MB21D2: variants seen among roughly 807,000 people sequenced by gnomAD.
MB21D2 encodes the protein Mab-21 domain containing 2, also known as nucleotidyltransferase MB21D2.
Under a neutral mutation model 33.3 loss-of-function variants are expected in MB21D2, and 9 were observed. The ratio of observed to expected loss-of-function variants is 0.27; its 90% CI spans 0.16 to 0.47. MB21D2 has a LOEUF of 0.47. Ranked by LOEUF, MB21D2 falls within the 20% of genes least tolerant of loss-of-function variation. MB21D2 has a pLI of 0.99. For missense variants in MB21D2, 540 were observed against 624.6 expected, an observed-to-expected ratio of 0.86 and a Z score of 1.44; for synonymous variants, 241 against 236.3, an observed-to-expected ratio of 1.02 and a Z score of -0.18.
chr3:192,895,945 C>T (rs1484499965), intron 1 of MB21D2, among the ~76,000 whole-genome samples: 1 of 152,112 alleles, frequency 6.6e-6, no homozygotes, highest in Non-Finnish European at 1.5e-5. Context: ...CACACTAGAC[C>T]TTTATTCAGA....
At chr3:192,831,222 C>T (rs1004674533) in intron 1 of MB21D2, among the ~76,000 whole-genome samples, 3 of 152,156 alleles carry the variant, frequency 2.0e-5, no homozygotes, top group African/African-American at 7.2e-5. Flanking sequence ...TGTGGAGACG[C>T]CCACATGGGG....
At chr3:192,809,252 C>T (rs765035868) in intron 1 of MB21D2, among the ~76,000 whole-genome samples, 1 of 152,160 alleles carries the variant, frequency 6.6e-6, no homozygotes, top group Non-Finnish European at 1.5e-5. Context: ...CGCATCACCA[C>T]ATCTGGCTAA....
chr3:192,840,868 G>A (rs1365917202), intron 1 of MB21D2, among the ~76,000 whole-genome samples: 2 of 152,194 alleles, frequency 1.3e-5, no homozygotes, highest in Non-Finnish European at 2.9e-5. Flanking sequence ...CAATCATTGG[G>A]AGCTTCCAAG....
chr3:192,877,904 T>C (rs1424037602), intron 1 of MB21D2, among the ~76,000 whole-genome samples: 1 of 150,800 alleles, frequency 6.6e-6, no homozygotes, highest in Non-Finnish European at 1.5e-5. Context: ...GGGCCAAAGA[T>C]ACAAGTAGTT....
intron 1 of MB21D2, among the ~76,000 whole-genome samples, chr3:192,818,189 T>C (rs1046583949): frequency 1.3e-5 from 2 of 152,176 alleles, no homozygotes; most frequent in Admixed American, 1.3e-4. Context: ...ATGTCTCACA[T>C]GAGACCATGA....
chr3:192,877,886 A>G (rs1713467448), intron 1 of MB21D2, among the ~76,000 whole-genome samples: 1 of 152,034 alleles, frequency 6.6e-6, no homozygotes, highest in Admixed American at 6.6e-5. Context: ...TGTTGTCAGA[A>G]CTTGAAAGGG....
intron 1 of MB21D2, among the ~76,000 whole-genome samples, chr3:192,890,227 T>C (rs1027207076): frequency 6.6e-6 from 1 of 152,124 alleles, no homozygotes; most frequent in Admixed American, 6.5e-5. Flanking sequence ...AACTAGCTAA[T>C]GGTAATATGC....
intron 1 of MB21D2, among the ~76,000 whole-genome samples, chr3:192,911,552 T>C (rs1427415616): frequency 6.6e-6 from 1 of 152,180 alleles, no homozygotes; most frequent in East Asian, 1.9e-4. Flanking sequence ...GGGGGATCTC[T>C]AGGGAATTCG....
intron 1 of MB21D2, among the ~76,000 whole-genome samples, chr3:192,896,321 T>A (rs561620827): frequency 2.6e-5 from 4 of 152,318 alleles, no homozygotes; most frequent in African/African-American, 9.6e-5. Flanking sequence ...GACTCCAAAG[T>A]CCACGTTCTT....
chr3:192,811,982 T>G (rs973297703), intron 1 of MB21D2, among the ~76,000 whole-genome samples: 3 of 152,144 alleles, frequency 2.0e-5, no homozygotes, highest in Admixed American at 1.3e-4. Context: ...AATGATATAT[T>G]TAGTTTCTTC....
rs995816957 is a variant in MB21D2, at chr3:192,797,021, T to C, written c.*1365A>G. The C allele has an allele frequency of 3.3e-5, 5 of 152,604 alleles. No individual in the cohort carries two copies. The highest frequency in any genetic ancestry group is 7.3e-5 in the Non-Finnish European group (5 of 68,034). The allele number at this position is 152,604 out of a possible 1,614,324, so 9.5% of individuals were successfully genotyped here. A position where few individuals can be genotyped will look rare whatever the true frequency, so the allele number is the denominator to read the frequency against. On this transcript the variant is annotated 3_prime_UTR_variant, in exon 2 of 2. Coordinates refer to ENST00000392452, the MANE Select transcript of MB21D2 (RefSeq NM_178496.4). ...ACACGTTACTTGCCCTTTCTATGAG[T>C]AGACATCATGGGTGTCCTTTGAAAG...
At chr3:192,814,596 C>T (rs1195873690) in intron 1 of MB21D2, among the ~76,000 whole-genome samples, 1 of 152,122 alleles carries the variant, frequency 6.6e-6, no homozygotes, top group South Asian at 2.1e-4. Flanking sequence ...GGCGCGGTGG[C>T]TCACACCTGT....
In MB21D2 at chr3:192,870,412, C is replaced by T. The variant is rs1427463059; in HGVS notation, c.211+47218G>A. ...TGTTCTTAGAAATGCAAAGGCTGGCCGGGCACACTGGCTCATGTCTGTAAT... is the reference window on the plus strand; with the variant it reads ...TGTTCTTAGAAATGCAAAGGCTGGCTGGGCACACTGGCTCATGTCTGTAAT... On this transcript the variant is annotated intron_variant, in intron 1 of 1. Transcript: ENST00000392452. Among the ~76,000 whole-genome samples the T allele has an allele frequency of 3.3e-5, 5 of 152,178 alleles. 1 individual carries two copies. The highest frequency in any genetic ancestry group is 4.1e-4 in the South Asian group (2 of 4,822).
At chr3:192,837,607 C>T (rs895731950) in intron 1 of MB21D2, among the ~76,000 whole-genome samples, 2 of 152,222 alleles carry the variant, frequency 1.3e-5, no homozygotes, top group South Asian at 2.1e-4. Flanking sequence ...AAAGGGCTCT[C>T]GCTCACTGGT....
At chr3:192,905,434 C>A (rs1714188706) in intron 1 of MB21D2, among the ~76,000 whole-genome samples, 1 of 151,726 alleles carries the variant, frequency 6.6e-6, no homozygotes, top group South Asian at 2.1e-4. Flanking sequence ...GTCAGGAGTT[C>A]GAGACCAGCC....
At chr3:192,864,981 A>T (rs953825757) in intron 1 of MB21D2, among the ~76,000 whole-genome samples, 5 of 152,236 alleles carry the variant, frequency 3.3e-5, no homozygotes, top group African/African-American at 7.2e-5. Flanking sequence ...ATGAAAAACC[A>T]GACAGAAGAC....
chr3:192,802,776 C>T (rs374090508), intron 1 of MB21D2, among the ~76,000 whole-genome samples: 1 of 152,114 alleles, frequency 6.6e-6, no homozygotes, highest in Non-Finnish European at 1.5e-5. Context: ...ATAATGAAAT[C>T]GTTTACTCTT....
In MB21D2 at chr3:192,847,459, G is replaced by A. The variant is rs536370905; in HGVS notation, c.212-47809C>T. 9.6e-4 allele frequency among the ~76,000 whole-genome samples: 146 copies of A among 152,244 alleles called. 2 individuals carry two copies. Among genetic ancestry groups the A allele is most frequent in the African/African-American group, 3.3e-3 (135 of 41,530 alleles). Reference sequence around the variant, plus strand: ...CTAGCAGTTAGGGGTCTTGGAAATGGTGTCTCTCAAAAGGCGAATTTTCCT... The same window carrying A: ...CTAGCAGTTAGGGGTCTTGGAAATGATGTCTCTCAAAAGGCGAATTTTCCT... On this transcript the variant is annotated intron_variant, in intron 1 of 1. Coordinates refer to ENST00000392452, the MANE Select transcript of MB21D2 (RefSeq NM_178496.4).
chr3:192,870,741 A>AAGG (rs1713276985), intron 1 of MB21D2, among the ~76,000 whole-genome samples: 1 of 137,588 alleles, frequency 7.3e-6, no homozygotes, highest in Non-Finnish European at 1.5e-5. Context: ...AGAAGGAAGG[A>AAGG]AGGAAGGAAG....
Sources: allele counts gnomAD v4.1 joint callset (sites outside exome capture counted in the v4.1 genomes callset), GRCh38; gene constraint gnomAD v4.1.1; transcripts MANE v1.5; gene names NCBI Gene and HGNC (gene_info 2026-07-23, HGNC 2026-07-21).